Variants in CACNA2D3 observed in about 807,000 individuals in gnomAD.
CACNA2D3 encodes voltage-dependent calcium channel subunit alpha-2/delta-3.
Under a neutral mutation model 160.6 loss-of-function variants are expected in CACNA2D3, and 60 were observed. That is an observed-to-expected ratio of 0.37 (90% CI 0.30 to 0.46). CACNA2D3 has a LOEUF of 0.46. CACNA2D3 is among the 20% of genes least tolerant of loss of function. The probability of loss-of-function intolerance (pLI) is 1.00; values close to 1 mark genes in which losing one functional copy is unlikely to be tolerated. For synonymous variants in CACNA2D3, 558 were observed against 492.9 expected, an observed-to-expected ratio of 1.13 and a Z score of -1.75; for missense variants, 1,205 against 1,365.0, an observed-to-expected ratio of 0.88 and a Z score of 1.85.
chr3:54,546,215 A>C (rs979724678), intron 5 of CACNA2D3, among the ~76,000 whole-genome samples: 3 of 152,236 alleles, frequency 2.0e-5, no homozygotes, highest in Non-Finnish European at 4.4e-5. Flanking sequence ...GCAGAAAAGA[A>C]ATAAAGACAG....
intron 27 of CACNA2D3, among the ~76,000 whole-genome samples, chr3:54,939,595 A>G (rs530045016): frequency 6.6e-6 from 1 of 152,332 alleles, no homozygotes; most frequent in South Asian, 2.1e-4. Context: ...AGGTGGGGAA[A>G]GCAAGGCATT....
At chr3:54,678,375 G>A (rs963639178) in intron 11 of CACNA2D3, among the ~76,000 whole-genome samples, 10 of 152,076 alleles carry the variant, frequency 6.6e-5, no homozygotes, top group Admixed American at 2.0e-4. Flanking sequence ...AAGATTGGGC[G>A]TAGAGGAAAT....
chr3:54,369,541 C>T (rs545435245), intron 3 of CACNA2D3, among the ~76,000 whole-genome samples: 2 of 152,300 alleles, frequency 1.3e-5, no homozygotes, highest in Admixed American at 6.5e-5. Flanking sequence ...CCTCTGACTC[C>T]TCTTTTATTT....
In CACNA2D3 at chr3:54,941,259, A is replaced by G. The variant is rs559701407; in HGVS notation, c.2450-27191A>G. Among the ~76,000 whole-genome samples the G allele has an allele frequency of 3.3e-5, 5 of 152,354 alleles. No individual in the cohort carries two copies. The East Asian group carries it at 9.6e-4, about 29-fold the overall frequency. On this transcript the variant is annotated intron_variant, in intron 27 of 37. Transcript: ENST00000474759. ...AAAAACAGGGGCATATAGTGTTTCC[A>G]TGGAAACTCTGTTAAAATACTGATT...
At chr3:54,337,538 A>G (rs1299222366) in intron 3 of CACNA2D3, among the ~76,000 whole-genome samples, 1 of 152,190 alleles carries the variant, frequency 6.6e-6, no homozygotes, top group Non-Finnish European at 1.5e-5. Flanking sequence ...CATTAGTGGA[A>G]AACTGAGTTG....
intron 12 of CACNA2D3, among the ~76,000 whole-genome samples, chr3:54,763,780 C>CGT (rs1226075394): frequency 0.077 from 1,979 of 25,732 alleles, 514 homozygotes; most frequent in African/African-American, 0.23. Context: ...TATATATGTA[C>CGT]ATATATATGT....
At chr3:54,995,517 T>C (rs1310756244) in intron 31 of CACNA2D3, among the ~76,000 whole-genome samples, 1 of 152,184 alleles carries the variant, frequency 6.6e-6, no homozygotes, top group Non-Finnish European at 1.5e-5. Context: ...ACCTCATGAT[T>C]CAATGTAGCT....
chr3:54,926,762 T>G (rs917867070), intron 27 of CACNA2D3, among the ~76,000 whole-genome samples: 20 of 152,160 alleles, frequency 1.3e-4, no homozygotes, highest in African/African-American at 4.3e-4. Context: ...TGAGGGGTAG[T>G]TGAACGGTTG....
chr3:54,802,658 C>G (rs1406392847), intron 13 of CACNA2D3, among the ~76,000 whole-genome samples: 1 of 152,090 alleles, frequency 6.6e-6, no homozygotes, highest in Admixed American at 6.5e-5. Flanking sequence ...ACAGCAGTAA[C>G]CTCTGCAGAC....
chr3:55,003,600 G>A (rs1374608233), intron 31 of CACNA2D3, among the ~76,000 whole-genome samples: 1 of 152,144 alleles, frequency 6.6e-6, no homozygotes, highest in African/African-American at 2.4e-5. Context: ...GGAAAAGGGG[G>A]AAATATGGCT....
At chr3:54,665,958 T>G (rs1227955739) in intron 11 of CACNA2D3, among the ~76,000 whole-genome samples, 1 of 152,104 alleles carries the variant, frequency 6.6e-6, no homozygotes, top group Non-Finnish European at 1.5e-5. Flanking sequence ...TGTGCCACCA[T>G]GCCCAGCTAA....
chr3:54,957,166 C>CTTT (rs57778359), intron 27 of CACNA2D3, among the ~76,000 whole-genome samples: 1 of 148,744 alleles, frequency 6.7e-6, no homozygotes, highest in African/African-American at 2.5e-5. Context: ...AAATAATTTT[C>CTTT]TTTTTTTTTT....
chr3:54,761,932 T>C (rs1036355414), intron 12 of CACNA2D3, among the ~76,000 whole-genome samples: 4 of 152,196 alleles, frequency 2.6e-5, no homozygotes, highest in African/African-American at 9.6e-5. Context: ...GGTATTTCCT[T>C]ACCCTGAGCC....
chr3:54,526,868 T>C (rs1701731045), intron 5 of CACNA2D3, among the ~76,000 whole-genome samples: 1 of 152,156 alleles, frequency 6.6e-6, no homozygotes, highest in African/African-American at 2.4e-5. Context: ...TTTTTGTATT[T>C]TTAGTAGAGA....
chr3:54,750,199 G>T (rs562578977), intron 11 of CACNA2D3, among the ~76,000 whole-genome samples: 2 of 152,154 alleles, frequency 1.3e-5, no homozygotes, highest in Non-Finnish European at 2.9e-5. Context: ...AAGGCTCTTC[G>T]TCTAGACAGC....
intron 17 of CACNA2D3, among the ~76,000 whole-genome samples, chr3:54,866,961 C>T (rs1024359943): frequency 6.6e-6 from 1 of 152,216 alleles, no homozygotes; most frequent in Admixed American, 6.5e-5. Flanking sequence ...AACTCTCCCC[C>T]ACAGATTTTT....
intron 17 of CACNA2D3, among the ~76,000 whole-genome samples, chr3:54,854,667 C>G (rs1699127714): frequency 6.6e-6 from 1 of 152,146 alleles, no homozygotes. Context: ...GGTGCCTTGC[C>G]TGGGTCAGTT....
intron 31 of CACNA2D3, among the ~76,000 whole-genome samples, chr3:54,996,884 A>G (rs939146081): frequency 2.6e-5 from 4 of 152,336 alleles, no homozygotes; most frequent in Middle Eastern, 3.4e-3. Flanking sequence ...GACATGGATG[A>G]AGCTGGAAAC....
In CACNA2D3 at chr3:54,586,262, CAAAAAA is replaced by C. The variant is rs34992866; in HGVS notation, c.963+4398_963+4403del. 1.1e-4 allele frequency among the ~76,000 whole-genome samples: 11 copies of C among 101,316 alleles called. No individual in the cohort carries two copies. The South Asian group carries it at 4.4e-3, about 40-fold the overall frequency. 66.5% of individuals were successfully genotyped at this position (101,316 alleles called of 152,430 possible). ...CTGGGCAATAGAGCGAGATCCATCT[CAAAAAA>C]AAAAAAAAAAAAGAAACTCATTTGA... On this transcript the variant is annotated intron_variant, in intron 9 of 37. Transcript: ENST00000474759.
Sources: gnomAD v4.1 joint callset for allele counts (sites outside exome capture counted in the v4.1 genomes callset) on GRCh38, gnomAD v4.1.1 for gene constraint, MANE v1.5 for transcripts, NCBI Gene and HGNC (gene_info 2026-07-23, HGNC 2026-07-21) for gene names.